Variants in WWOX observed in about 807,000 individuals in gnomAD.
The protein encoded by WWOX is WW domain containing oxidoreductase, also known as WW domain-containing oxidoreductase.
In WWOX, 69 loss-of-function variants were observed where a neutral mutation model predicts 46.2. The observed-to-expected ratio is 1.49, with a 90% CI of 1.23 to 1.82. The LOEUF (loss-of-function observed/expected upper bound fraction) is 1.82. WWOX is among the 40% of genes most tolerant of loss of function. The probability of loss-of-function intolerance (pLI) is 0.00; values close to 1 mark genes in which losing one functional copy is unlikely to be tolerated. For missense variants in WWOX, 919 were observed against 542.6 expected (o/e 1.69, Z -6.89); for synonymous variants, 359 against 202.6 (o/e 1.77, Z -6.56).
At chr16:78,252,615 A>C (rs2038013754) in intron 5 of WWOX, among the ~76,000 whole-genome samples, 1 of 152,196 alleles carries the variant, frequency 6.6e-6, no homozygotes, top group African/African-American at 2.4e-5. Flanking sequence ...CTTCTACTTA[A>C]GGGCTCTCAC....
chr16:78,402,831 G>C (rs1424595171), intron 6 of WWOX, among the ~76,000 whole-genome samples: 1 of 152,086 alleles, frequency 6.6e-6, no homozygotes, highest in Non-Finnish European at 1.5e-5. Flanking sequence ...GGCTCCCATT[G>C]GCCCTGGGGT....
chr16:78,763,570 A>T (rs906542721), intron 8 of WWOX, among the ~76,000 whole-genome samples: 1 of 152,126 alleles, frequency 6.6e-6, no homozygotes, highest in African/African-American at 2.4e-5. Context: ...AGGTTCTTTG[A>T]TTCTTAAGGT....
chr16:78,173,455 ATTTTT>A, intron 5 of WWOX, among the ~76,000 whole-genome samples: 1 of 135,844 alleles, frequency 7.4e-6, no homozygotes, highest in South Asian at 2.5e-4. Flanking sequence ...CACCTGGCTA[ATTTTT>A]TTTTTTTTTT....
chr16:79,204,910 C>T (rs965197771), intron 8 of WWOX: 5 of 152,350 alleles, frequency 3.3e-5, no homozygotes, highest in Non-Finnish European at 5.9e-5. Context: ...GCTGGCTTTC[C>T]AATTCATTCT....
At chr16:78,124,573 C>A (rs1391121879) in intron 4 of WWOX, among the ~76,000 whole-genome samples, 1 of 152,136 alleles carries the variant, frequency 6.6e-6, no homozygotes, top group Non-Finnish European at 1.5e-5. Context: ...GTTCCAATAG[C>A]TCGCTTTTAG....
chr16:78,469,179 A>G (rs1400417195), intron 8 of WWOX, among the ~76,000 whole-genome samples: 2 of 152,192 alleles, frequency 1.3e-5, no homozygotes, highest in African/African-American at 4.8e-5. Flanking sequence ...CTTGTTATGG[A>G]AATCGTCAGG....
At chr16:78,120,648 T>C (rs898726046) in intron 4 of WWOX, among the ~76,000 whole-genome samples, 1 of 152,132 alleles carries the variant, frequency 6.6e-6, no homozygotes, top group Admixed American at 6.5e-5. Flanking sequence ...AAATTGATTG[T>C]CTTAGCTTAG....
intron 8 of WWOX, among the ~76,000 whole-genome samples, chr16:78,546,721 C>G (rs2044041854): frequency 6.6e-6 from 1 of 152,146 alleles, no homozygotes; most frequent in Admixed American, 6.5e-5. Flanking sequence ...TCTTCTGGTA[C>G]TGATTGTCCA....
At chr16:78,309,212 C>T (rs1170804468) in intron 5 of WWOX, among the ~76,000 whole-genome samples, 2 of 152,164 alleles carry the variant, frequency 1.3e-5, no homozygotes, top group South Asian at 2.1e-4. Context: ...GAATCATATA[C>T]TCCCGATAGT....
intron 8 of WWOX, among the ~76,000 whole-genome samples, chr16:78,632,434 A>G (rs1320253200): frequency 1.3e-5 from 2 of 151,602 alleles, no homozygotes; most frequent in Non-Finnish European, 2.9e-5. Context: ...AACGTCGCAG[A>G]TGTTATTTTT....
intron 4 of WWOX, chr16:78,123,443 T>TTTTTTTTG (rs2033206924): frequency 1.9e-5 from 1 of 52,842 alleles, no homozygotes; most frequent in Non-Finnish European, 3.2e-5. Context: ...TTGTTTTGTT[T>TTTTTTTTG]TTTTTTTTTT....
chr16:78,539,756 G>T (rs937308104), intron 8 of WWOX, among the ~76,000 whole-genome samples: 2 of 152,172 alleles, frequency 1.3e-5, no homozygotes, highest in East Asian at 3.9e-4. Flanking sequence ...TAATGTCGGG[G>T]TGAGATGCAA....
intron 6 of WWOX, among the ~76,000 whole-genome samples, chr16:78,396,317 TAGTG>T (rs1240211412): frequency 2.4e-4 from 37 of 152,244 alleles, no homozygotes; most frequent in African/African-American, 8.4e-4. Flanking sequence ...AAAAAAAAGT[TAGTG>T]AGCCTTTTTG....
Position 78,993,840 on chromosome 16 carries a change from T to C in WWOX, c.1057-217768T>C, listed in dbSNP as rs183474642. On this transcript the variant is annotated intron_variant, in intron 8 of 8. Coordinates refer to ENST00000566780, the MANE Select transcript of WWOX (RefSeq NM_016373.4). Reference sequence around the variant, plus strand: ...AACCTGCAAGAAGCCAAGACGCCTGTTCTCCACGGCGGAGCCCGCTGGTCG... The same window carrying C: ...AACCTGCAAGAAGCCAAGACGCCTGCTCTCCACGGCGGAGCCCGCTGGTCG... Among the ~76,000 whole-genome samples the C allele has an allele frequency of 2.3e-4, 35 of 152,340 alleles. 1 individual carries two copies. In the East Asian group the frequency reaches 6.6e-3, roughly 29 times the overall value.
At chr16:79,134,676 C>G (rs1220936924) in intron 8 of WWOX, among the ~76,000 whole-genome samples, 1 of 152,164 alleles carries the variant, frequency 6.6e-6, no homozygotes, top group South Asian at 2.1e-4. Context: ...GATTTCTTCA[C>G]AAGGACATTC....
chr16:78,404,962 T>C (rs1270237714), intron 6 of WWOX, among the ~76,000 whole-genome samples: 3 of 152,190 alleles, frequency 2.0e-5, no homozygotes, highest in African/African-American at 7.2e-5. Flanking sequence ...GGCACAATTA[T>C]CAAATGGATG....
chr16:78,193,324 A>G (rs1441684456), intron 5 of WWOX, among the ~76,000 whole-genome samples: 1 of 152,246 alleles, frequency 6.6e-6, no homozygotes, highest in Non-Finnish European at 1.5e-5. Context: ...TTTCAGTAAA[A>G]TAGCACTTCA....
chr16:78,310,483 G>A (rs1366771929), intron 5 of WWOX, among the ~76,000 whole-genome samples: 1 of 152,188 alleles, frequency 6.6e-6, no homozygotes, highest in Non-Finnish European at 1.5e-5. Context: ...CCAGATTGAT[G>A]CCTTTGGCTG....
intron 8 of WWOX, among the ~76,000 whole-genome samples, chr16:78,779,721 C>G (rs1269000286): frequency 6.6e-6 from 1 of 152,188 alleles, no homozygotes; most frequent in Non-Finnish European, 1.5e-5. Context: ...GAAGCTTGTT[C>G]TCCTAACCAG....
Sources: allele counts gnomAD v4.1 joint callset (sites outside exome capture counted in the v4.1 genomes callset), GRCh38; gene constraint gnomAD v4.1.1; transcripts MANE v1.5; gene names NCBI Gene and HGNC (gene_info 2026-07-23, HGNC 2026-07-21).